ZDHHC20: variants seen among roughly 807,000 people sequenced by gnomAD.
ZDHHC20 encodes zDHHC palmitoyltransferase 20.
A neutral mutation model predicts 57.8 loss-of-function variants in ZDHHC20; 43 were observed. That is an observed-to-expected ratio of 0.74 (90% CI 0.58 to 0.96). The LOEUF (loss-of-function observed/expected upper bound fraction) is 0.96, where lower values mean the gene tolerates loss of function less well. ZDHHC20 is among the 40% of genes least tolerant of loss of function. ZDHHC20 has a pLI of 0.00. For synonymous variants in ZDHHC20, 157 were observed against 153.0 expected (o/e 1.03, Z -0.19); for missense variants, 391 against 441.1 (o/e 0.89, Z 1.02).
chr13:21,379,809 CT>C (rs758935984), intron 11 of ZDHHC20, among the ~76,000 whole-genome samples: 1 of 71,686 alleles, frequency 1.4e-5, no homozygotes, highest in African/African-American at 4.3e-5. Context: ...TCAGTGTGCT[CT>C]TTTTTTTCTT....
chr13:21,421,738 C>A (rs1376964132), intron 2 of ZDHHC20, among the ~76,000 whole-genome samples: 4 of 152,064 alleles, frequency 2.6e-5, no homozygotes, highest in Non-Finnish European at 4.4e-5. Flanking sequence ...TGTTAACATT[C>A]CAAAATATTT....
At chr13:21,447,527 G>A (rs990565009) in intron 1 of ZDHHC20, among the ~76,000 whole-genome samples, 13 of 147,320 alleles carry the variant, frequency 8.8e-5, no homozygotes, top group South Asian at 2.2e-4. Flanking sequence ...CGAGTGATCC[G>A]CCAGCCTTGG....
At chr13:21,406,102 A>G (rs1878399685) in intron 4 of ZDHHC20, among the ~76,000 whole-genome samples, 1 of 152,324 alleles carries the variant, frequency 6.6e-6, no homozygotes, top group Admixed American at 6.5e-5. Context: ...TGAAAGCCCA[A>G]CACTTGACCA....
Position 21,459,064 on chromosome 13 carries a change from C to A in ZDHHC20, c.108G>T (p.Glu36Asp). The A allele has an allele frequency of 6.2e-7, 1 of 1,600,024 alleles. No individual in the cohort carries two copies. Among genetic ancestry groups the A allele is most frequent in the South Asian group, 1.1e-5 (1 of 89,298 alleles). ...GGGGACGGTACTCACACACGCAGAGCTCCACCACGTACGCGTAGTAGGACC... is the reference window on the plus strand; with the variant it reads ...GGGGACGGTACTCACACACGCAGAGATCCACCACGTACGCGTAGTAGGACC... ...VVWSYYAYVVELCVFTIFGNE... is the reference protein window; with the variant it reads ...VVWSYYAYVVDLCVFTIFGNE... Residue 36 changes from glutamate to aspartate, a missense_variant, in exon 1 of 13, where the codon GAG (glutamate) becomes GAT (aspartate). By Grantham distance (45) the Glu-to-Asp change is conservative. Around this residue, in one of 3 missense-constraint regions of ZDHHC20, gnomAD observed 185 missense variants for 188.0 expected, o/e 0.98. Transcript: ENST00000400590.
At chr13:21,428,513 C>T (rs543966067) in intron 1 of ZDHHC20, among the ~76,000 whole-genome samples, 13 of 151,998 alleles carry the variant, frequency 8.6e-5, no homozygotes, top group Admixed American at 4.6e-4. Context: ...GCCACCGCAC[C>T]CAGGCCCAAA....
intron 3 of ZDHHC20, among the ~76,000 whole-genome samples, chr13:21,417,358 T>C (rs977838643): frequency 9.2e-5 from 14 of 152,162 alleles, no homozygotes; most frequent in African/African-American, 3.4e-4. Flanking sequence ...AAGTACTGGA[T>C]TGAAACAATG....
intron 1 of ZDHHC20, among the ~76,000 whole-genome samples, chr13:21,447,323 CG>C (rs1438041215): frequency 6.6e-6 from 1 of 150,458 alleles, no homozygotes; most frequent in Non-Finnish European, 1.5e-5. Context: ...CCTCTCCCCA[CG>C]GTCTCCCTCT....
At chr13:21,454,187 G>T (rs149787635) in intron 1 of ZDHHC20, among the ~76,000 whole-genome samples, 1 of 152,084 alleles carries the variant, frequency 6.6e-6, no homozygotes, top group East Asian at 1.9e-4. Context: ...TTAGCCGGGC[G>T]TGGTGGCACA....
At chr13:21,395,357 C>T (rs975296996) in intron 7 of ZDHHC20, among the ~76,000 whole-genome samples, 3 of 151,750 alleles carry the variant, frequency 2.0e-5, no homozygotes, top group Non-Finnish European at 2.9e-5. Flanking sequence ...TAAGCCACCG[C>T]GCCCGGCCTA....
chr13:21,387,093 T>A (rs1472682590), intron 9 of ZDHHC20, among the ~76,000 whole-genome samples: 1 of 152,134 alleles, frequency 6.6e-6, no homozygotes, highest in African/African-American at 2.4e-5. Flanking sequence ...ATACTCTCAT[T>A]TACATTTGGG....
intron 1 of ZDHHC20, among the ~76,000 whole-genome samples, chr13:21,444,497 G>A (rs1468917555): frequency 6.6e-6 from 1 of 152,154 alleles, no homozygotes; most frequent in African/African-American, 2.4e-5. Flanking sequence ...TTTATAAAAT[G>A]ATAGTGATAA....
At chr13:21,382,831 A>G in intron 10 of ZDHHC20, 89 bp downstream of exon 10, 2 of 1,062,958 alleles carry the variant, frequency 1.9e-6, no homozygotes, top group South Asian at 3.0e-5. Context: ...CTAAATCACT[A>G]CTGTATTTAC....
At chr13:21,388,160 G>A (rs544100768) in intron 8 of ZDHHC20, among the ~76,000 whole-genome samples, 9 of 152,262 alleles carry the variant, frequency 5.9e-5, no homozygotes, top group African/African-American at 2.2e-4. Context: ...TGTGCCTCGG[G>A]GGTGCTTGTA....
chr13:21,380,633 A>T (rs1436166079), intron 11 of ZDHHC20, among the ~76,000 whole-genome samples: 1 of 151,566 alleles, frequency 6.6e-6, no homozygotes, highest in Non-Finnish European at 1.5e-5. Flanking sequence ...CTCTACTATA[A>T]TACAAAAAAT....
intron 1 of ZDHHC20, among the ~76,000 whole-genome samples, chr13:21,432,523 G>A (rs969896349): frequency 3.9e-5 from 6 of 152,052 alleles, no homozygotes; most frequent in African/African-American, 1.4e-4. Flanking sequence ...TAGTAGAGAT[G>A]GGGTTTCACC....
intron 11 of ZDHHC20, among the ~76,000 whole-genome samples, chr13:21,380,114 C>G (rs994301087): frequency 6.7e-6 from 1 of 149,090 alleles, no homozygotes; most frequent in Non-Finnish European, 1.5e-5. Flanking sequence ...CGTGCCCAGC[C>G]TTTTTTTCCT....
At chr13:21,386,369 T>C (rs975624351) in intron 9 of ZDHHC20, among the ~76,000 whole-genome samples, 3 of 152,106 alleles carry the variant, frequency 2.0e-5, no homozygotes, top group African/African-American at 4.8e-5. Context: ...GCTCAACTAA[T>C]ACCAAGCACA....
chr13:21,406,543 C>T (rs371079255), intron 4 of ZDHHC20, among the ~76,000 whole-genome samples: 3 of 151,646 alleles, frequency 2.0e-5, no homozygotes, highest in African/African-American at 7.3e-5. Flanking sequence ...TTCCCCTCCA[C>T]CCCCCGACAG....
In ZDHHC20 at chr13:21,413,540, AT is replaced by A. The variant is rs143803929; in HGVS notation, c.370+111del. On this transcript the variant is annotated intron_variant, in intron 4 of 12. Coordinates refer to ENST00000400590, the MANE Select transcript of ZDHHC20 (RefSeq NM_001330059.2). The stretch of plus-strand genomic sequence containing the variant: ...GGAAAGTCTTGTTGCTACAGATATT[AT>A]TTATGGCAATCATAGTATCCATTTA... The A allele has an allele frequency of 0.01, 9,705 of 949,576 alleles. 518 individuals are homozygous for A. The African/African-American group carries it at 0.13, about 13-fold the overall frequency. 58.8% of individuals were successfully genotyped at this position (949,576 alleles called of 1,614,324 possible).
Sources: allele counts gnomAD v4.1 joint callset (sites outside exome capture counted in the v4.1 genomes callset), GRCh38; gene constraint gnomAD v4.1.1; regional missense constraint gnomAD v4.1.1; transcripts MANE v1.5; gene names NCBI Gene and HGNC (gene_info 2026-07-23, HGNC 2026-07-21).